Variants in AUTS2 observed in about 807,000 individuals in gnomAD.
AUTS2 encodes autism susceptibility gene 2 protein.
In AUTS2, 17 loss-of-function variants were observed where a neutral mutation model predicts 112.4. The ratio of observed to expected loss-of-function variants is 0.15; its 90% confidence interval spans 0.10 to 0.23. The LOEUF (loss-of-function observed/expected upper bound fraction) is 0.23. Ranked by LOEUF, AUTS2 falls within the 10% of genes least tolerant of loss-of-function variation. The pLI is 1.00. For missense variants in AUTS2, 1,510 were observed against 1,701.6 expected, an observed-to-expected ratio of 0.89 and a Z score of 1.98; for synonymous variants, 751 against 702.7, an observed-to-expected ratio of 1.07 and a Z score of -1.09.
At chr7:70,044,325 T>C (rs1363332686) in intron 2 of AUTS2, among the ~76,000 whole-genome samples, 1 of 152,232 alleles carries the variant, frequency 6.6e-6, no homozygotes, top group Non-Finnish European at 1.5e-5. Flanking sequence ...TATAATTCTT[T>C]GCTGTGTTGC....
chr7:70,032,317 C>G (rs570193036), intron 2 of AUTS2, among the ~76,000 whole-genome samples: 1 of 152,036 alleles, frequency 6.6e-6, no homozygotes, highest in African/African-American at 2.4e-5. Context: ...ATTAATGAAA[C>G]GTTTAATTAA....
intron 5 of AUTS2, among the ~76,000 whole-genome samples, chr7:70,442,225 C>A (rs1184274254): frequency 6.6e-6 from 1 of 152,120 alleles, no homozygotes; most frequent in Non-Finnish European, 1.5e-5. Context: ...CAGTGTTTTG[C>A]AAAATTTGCA....
chr7:69,950,160 A>C (rs1397524202), intron 2 of AUTS2, among the ~76,000 whole-genome samples: 4 of 152,140 alleles, frequency 2.6e-5, no homozygotes, highest in Non-Finnish European at 5.9e-5. Context: ...TACTGGACAA[A>C]ATAAAACTGT....
intron 4 of AUTS2, among the ~76,000 whole-genome samples, chr7:70,174,230 G>C (rs1808865307): frequency 6.6e-6 from 1 of 152,226 alleles, no homozygotes; most frequent in African/African-American, 2.4e-5. Context: ...GATGAAACCA[G>C]TTACAACATT....
intron 1 of AUTS2, among the ~76,000 whole-genome samples, chr7:69,600,249 C>A (rs1351735004): frequency 6.6e-6 from 1 of 152,062 alleles, no homozygotes; most frequent in Non-Finnish European, 1.5e-5. Flanking sequence ...GAAAGGGGTT[C>A]GGGCATCACA....
At chr7:69,670,451 G>A (rs1796265833) in intron 1 of AUTS2, among the ~76,000 whole-genome samples, 1 of 150,742 alleles carries the variant, frequency 6.6e-6, no homozygotes, top group African/African-American at 2.4e-5. Context: ...AAGGAGAAAA[G>A]TGCATTCACC....
At chr7:70,647,172 A>G (rs1224395285) in intron 5 of AUTS2, among the ~76,000 whole-genome samples, 1 of 152,222 alleles carries the variant, frequency 6.6e-6, no homozygotes, top group African/African-American at 2.4e-5. Context: ...CTGAGCTGAT[A>G]TAAAGGAGCC....
intron 1 of AUTS2, among the ~76,000 whole-genome samples, chr7:69,673,047 C>G (rs1301431383): frequency 6.6e-6 from 1 of 152,092 alleles, no homozygotes; most frequent in Non-Finnish European, 1.5e-5. Flanking sequence ...GAGTTTTTTC[C>G]TAGATTCAAA....
intron 1 of AUTS2, among the ~76,000 whole-genome samples, chr7:69,737,602 C>G (rs936573387): frequency 6.6e-6 from 1 of 152,126 alleles, no homozygotes; most frequent in Non-Finnish European, 1.5e-5. Flanking sequence ...CTCCCTAAGT[C>G]CCCAGTCTGC....
chr7:70,033,359 A>T (rs1013849902), intron 2 of AUTS2, among the ~76,000 whole-genome samples: 2 of 152,202 alleles, frequency 1.3e-5, no homozygotes, highest in African/African-American at 4.8e-5. Flanking sequence ...TGATCCAACT[A>T]TGAGCCATAT....
intron 6 of AUTS2, among the ~76,000 whole-genome samples, chr7:70,731,159 A>T (rs908042304): frequency 6.6e-6 from 1 of 152,134 alleles, no homozygotes; most frequent in African/African-American, 2.4e-5. Context: ...TACTCTTAAA[A>T]TGATGTGCAA....
At chr7:70,500,655 A>G (rs1272796564) in intron 5 of AUTS2, among the ~76,000 whole-genome samples, 2 of 152,072 alleles carry the variant, frequency 1.3e-5, no homozygotes, top group Non-Finnish European at 2.9e-5. Flanking sequence ...AGTAAGTTCA[A>G]GTGCTTAGAG....
intron 14 of AUTS2, among the ~76,000 whole-genome samples, chr7:70,779,533 G>T (rs571610738): frequency 6.6e-6 from 1 of 152,196 alleles, no homozygotes; most frequent in Non-Finnish European, 1.5e-5. Flanking sequence ...AGGGGTGATG[G>T]GTGAGTGGGA....
At chr7:69,945,736 G>T (rs1796784483) in intron 2 of AUTS2, among the ~76,000 whole-genome samples, 1 of 152,044 alleles carries the variant, frequency 6.6e-6, no homozygotes, top group African/African-American at 2.4e-5. Flanking sequence ...TAGATCTTGA[G>T]AAAGTACTTA....
intron 4 of AUTS2, among the ~76,000 whole-genome samples, chr7:70,302,178 A>C (rs183107751): frequency 6.6e-6 from 1 of 152,158 alleles, no homozygotes; most frequent in Non-Finnish European, 1.5e-5. Context: ...TGGGAGGCCA[A>C]CGTGGGAGGA....
At chr7:70,025,777 C>CTTTTTT (rs34107096) in intron 2 of AUTS2, among the ~76,000 whole-genome samples, 1 of 126,626 alleles carries the variant, frequency 7.9e-6, no homozygotes, top group Non-Finnish European at 1.7e-5. Context: ...TTTTACTAAG[C>CTTTTTT]TTTTTTTTTT....
At chr7:70,092,149 C>T (rs761581368) in intron 2 of AUTS2, among the ~76,000 whole-genome samples, 1 of 131,772 alleles carries the variant, frequency 7.6e-6, no homozygotes. Flanking sequence ...CTCACCAGTA[C>T]ATTTTTATTC....
At chr7:70,697,117 T>C (rs1371784238) in intron 5 of AUTS2, among the ~76,000 whole-genome samples, 1 of 152,194 alleles carries the variant, frequency 6.6e-6, no homozygotes, top group Non-Finnish European at 1.5e-5. Flanking sequence ...GTATGACTTG[T>C]TTCTCTCCCA....
At chr7:70,736,991 T>A (rs569073696) in intron 6 of AUTS2, among the ~76,000 whole-genome samples, 10 of 152,334 alleles carry the variant, frequency 6.6e-5, no homozygotes, top group African/African-American at 2.4e-4. Flanking sequence ...AAGGGATCAT[T>A]TCCCTCATAA....
Sources: allele counts gnomAD v4.1 joint callset (sites outside exome capture counted in the v4.1 genomes callset), GRCh38; gene constraint gnomAD v4.1.1; transcripts MANE v1.5; gene names NCBI Gene and HGNC (gene_info 2026-07-23, HGNC 2026-07-21).